PRKN: variants seen among roughly 807,000 people sequenced by gnomAD.
PRKN encodes the protein E3 ubiquitin-protein ligase parkin.
A neutral mutation model predicts 59.5 loss-of-function variants in PRKN; 56 were observed. The ratio of observed to expected loss-of-function variants is 0.94; its 90% CI spans 0.76 to 1.18. The LOEUF (loss-of-function observed/expected upper bound fraction) is 1.18, where lower values mean the gene tolerates loss of function less well. Among genes scored for constraint, PRKN ranks in the 50% most tolerant of loss-of-function variants. The pLI, the probability that PRKN is intolerant of heterozygous loss-of-function variation, is 0.00. For missense variants in PRKN, 657 were observed against 596.4 expected (o/e 1.10, Z -1.06); for synonymous variants, 250 against 222.1 (o/e 1.13, Z -1.12).
intron 7 of PRKN, among the ~76,000 whole-genome samples, chr6:161,634,104 C>T (rs983429092): frequency 1.3e-5 from 2 of 151,660 alleles, no homozygotes; most frequent in African/African-American, 2.4e-5. Context: ...GTTATCGTTA[C>T]TGATGGGAAT....
At chr6:162,209,019 A>T (rs1352229620) in intron 3 of PRKN, among the ~76,000 whole-genome samples, 1 of 152,212 alleles carries the variant, frequency 6.6e-6, no homozygotes, top group Non-Finnish European at 1.5e-5. Context: ...AGGCAATGCC[A>T]TTCAGGACAC....
intron 2 of PRKN, among the ~76,000 whole-genome samples, chr6:162,336,653 C>T (rs1783859383): frequency 6.6e-6 from 1 of 152,234 alleles, no homozygotes; most frequent in African/African-American, 2.4e-5. Context: ...GGTTGCCTAA[C>T]TAGCTCAACA....
chr6:162,133,005 C>A (rs775220992), intron 4 of PRKN, among the ~76,000 whole-genome samples: 2 of 152,162 alleles, frequency 1.3e-5, no homozygotes, highest in Non-Finnish European at 2.9e-5. Flanking sequence ...GGCAGCAGAA[C>A]ATGTGCTTGG....
At position 161,824,158 on chromosome 6, in the gene PRKN, C is replaced by G. The variant is rs138929658; in HGVS notation, c.735-38250G>C. On this transcript the variant is annotated intron_variant, in intron 6 of 11. Transcript: ENST00000366898. Reference sequence around the variant, plus strand: ...GTGTCCACACACCCACCCAACGCCACGAAGTAGGGAAGATCAGAGTTCTGA... The same window carrying G: ...GTGTCCACACACCCACCCAACGCCAGGAAGTAGGGAAGATCAGAGTTCTGA... Among the ~76,000 whole-genome samples, 477 of 152,258 alleles carry G rather than the reference C, an allele frequency of 3.1e-3. 10 individuals carry two copies. Among genetic ancestry groups the G allele is most frequent in the Admixed American group, 0.029 (448 of 15,298 alleles).
intron 9 of PRKN, among the ~76,000 whole-genome samples, chr6:161,455,454 G>A (rs1019296492): frequency 6.6e-6 from 1 of 152,198 alleles, no homozygotes; most frequent in Non-Finnish European, 1.5e-5. Context: ...TACCCAGTGA[G>A]TAGAAAAATT....
intron 7 of PRKN, among the ~76,000 whole-genome samples, chr6:161,773,406 G>A (rs1341698580): frequency 6.6e-6 from 1 of 152,130 alleles, no homozygotes; most frequent in Non-Finnish European, 1.5e-5. Context: ...CGAGGCAGGG[G>A]GAAAGAATTC....
intron 4 of PRKN, among the ~76,000 whole-genome samples, chr6:162,062,674 C>T (rs934312985): frequency 1.3e-5 from 2 of 152,090 alleles, no homozygotes; most frequent in South Asian, 2.1e-4. Context: ...TGCTGACACA[C>T]GTTGATCTCG....
intron 9 of PRKN, among the ~76,000 whole-genome samples, chr6:161,514,818 C>T (rs973229555): frequency 1.3e-5 from 2 of 152,058 alleles, no homozygotes; most frequent in African/African-American, 4.8e-5. Context: ...AGGAACCCAC[C>T]CCTTGAAAAC....
At chr6:162,668,745 G>A (rs1391193722) in intron 1 of PRKN, among the ~76,000 whole-genome samples, 3 of 152,124 alleles carry the variant, frequency 2.0e-5, no homozygotes, top group Non-Finnish European at 4.4e-5. Flanking sequence ...TCGATGAGTG[G>A]GTGTGGCACC....
chr6:161,886,706 AATAAAATAAC>A (rs199798121), intron 6 of PRKN, among the ~76,000 whole-genome samples: 6 of 146,268 alleles, frequency 4.1e-5, no homozygotes, highest in Admixed American at 1.4e-4. Context: ...TCAAAAATAA[AATAAAATAAC>A]ATAAAATAAC....
Position 161,413,192 on chromosome 6 carries a change from C to T in PRKN, c.1084-26315G>A, listed in dbSNP as rs759197036. ...ATGTGCATTTAGGGTCGTGGGACCC[C>T]TTCCCATTTATTTGTGGAAACCCAC... On this transcript the variant is annotated intron_variant, in intron 9 of 11. Coordinates refer to ENST00000366898, the MANE Select transcript of PRKN (RefSeq NM_004562.3). This position sits in a 1 kb window ranked among gnomAD's most constrained non-coding sequence, Gnocchi z 4.4. 4.6e-5 allele frequency among the ~76,000 whole-genome samples: 7 copies of T among 152,160 alleles called. No homozygotes were observed. The highest frequency in any genetic ancestry group is 1.0e-4 in the Non-Finnish European group (7 of 68,036).
In PRKN at chr6:162,508,445, G is replaced by A. The variant is rs189521083; in HGVS notation, c.8-64972C>T. Among the ~76,000 whole-genome samples, 148 of 152,298 alleles carry A rather than the reference G, an allele frequency of 9.7e-4. No homozygotes were observed. In the Middle Eastern group the frequency reaches 0.017, roughly 18 times the overall value. On this transcript the variant is annotated intron_variant, in intron 1 of 11. Transcript: ENST00000366898. ...TGCAAAAGCAAATGAAAACGCTGTA[G>A]TGTCCCATTATCATAAGCTGTGATG...
intron 6 of PRKN, among the ~76,000 whole-genome samples, chr6:161,965,691 A>C (rs914371483): frequency 2.6e-5 from 4 of 152,062 alleles, no homozygotes; most frequent in Non-Finnish European, 5.9e-5. Flanking sequence ...CACATTTAAG[A>C]AATACATTAG....
chr6:161,950,974 C>A (rs1779967043), intron 6 of PRKN, among the ~76,000 whole-genome samples: 2 of 100,268 alleles, frequency 2.0e-5, no homozygotes, highest in African/African-American at 1.1e-4. Context: ...TAGAGCAAAA[C>A]GTGTCTTTTT....
intron 4 of PRKN, among the ~76,000 whole-genome samples, chr6:162,167,710 TG>T (rs1342906989): frequency 6.6e-6 from 1 of 151,392 alleles, no homozygotes; most frequent in African/African-American, 2.4e-5. Flanking sequence ...TCCTCAGGGA[TG>T]GGAAAAATTT....
chr6:161,860,519 T>A (rs1793853300), intron 6 of PRKN, among the ~76,000 whole-genome samples: 1 of 152,358 alleles, frequency 6.6e-6, no homozygotes, highest in Admixed American at 6.5e-5. Context: ...CGTTGCCTCA[T>A]CACAGCCCTA....
chr6:161,658,034 AG>A (rs1230871814), intron 7 of PRKN, among the ~76,000 whole-genome samples: 19,886 of 116,492 alleles, frequency 0.17, 1,675 homozygotes, highest in African/African-American at 0.27. Context: ...AAAAAAAAAA[AG>A]AAAAGAAAAG....
chr6:162,522,403 C>T (rs1357334225), intron 1 of PRKN, among the ~76,000 whole-genome samples: 2 of 152,326 alleles, frequency 1.3e-5, no homozygotes, highest in African/African-American at 2.4e-5. Flanking sequence ...GGATTAGTGG[C>T]GTGAGCCACT....
At chr6:162,165,597 C>T (rs1782940347) in intron 4 of PRKN, among the ~76,000 whole-genome samples, 1 of 149,526 alleles carries the variant, frequency 6.7e-6, no homozygotes, top group Non-Finnish European at 1.5e-5. Context: ...AATGCCAGTG[C>T]ACAGGCACCA....
Sources: gnomAD v4.1 joint callset for allele counts (sites outside exome capture counted in the v4.1 genomes callset) on GRCh38, gnomAD v4.1.1 for gene constraint, Gnocchi (gnomAD v3.1) non-coding constraint, MANE v1.5 for transcripts, NCBI Gene and HGNC (gene_info 2026-07-23, HGNC 2026-07-21) for gene names.